The following EPB41L2 variants were observed in gnomAD, a reference collection of about 807,000 sequenced individuals.
EPB41L2 encodes the protein band 4.1-like protein 2.
EPB41L2 carries 43 observed loss-of-function variants against 113.0 expected under a neutral mutation model. The observed-to-expected ratio is 0.38, with a 90% CI of 0.30 to 0.49. The LOEUF is 0.49. EPB41L2 is among the 20% of genes least tolerant of loss of function. The pLI, the probability that EPB41L2 is intolerant of heterozygous loss-of-function variation, is 0.95. For missense variants in EPB41L2, 1,147 were observed against 1,223.4 expected (o/e 0.94, Z 0.93); for synonymous variants, 442 against 436.7 (o/e 1.01, Z -0.15).
At chr6:130,944,158 T>TACACACAC (rs1392716079) in intron 3 of EPB41L2, among the ~76,000 whole-genome samples, 7 of 146,390 alleles carry the variant, frequency 4.8e-5, no homozygotes, top group African/African-American at 1.3e-4. Flanking sequence ...TATATATACG[T>TACACACAC]ACATACACAC....
At chr6:130,944,710 G>A (rs1812205077) in intron 3 of EPB41L2, among the ~76,000 whole-genome samples, 1 of 152,168 alleles carries the variant, frequency 6.6e-6, no homozygotes, top group Non-Finnish European at 1.5e-5. Context: ...AGGCAACTCA[G>A]CATATGTCTG....
chr6:131,049,019 C>T lies in EPB41L2; in HGVS notation c.-15+14136G>A, dbSNP rs370366065. Among the ~76,000 whole-genome samples the T allele has an allele frequency of 6.6e-5, 10 of 152,284 alleles. No individual in the cohort carries two copies. The East Asian group carries it at 1.7e-3, about 26-fold the overall frequency. On this transcript the variant is annotated intron_variant, in intron 1 of 19. Coordinates refer to ENST00000337057, the MANE Select transcript of EPB41L2 (RefSeq NM_001431.4). ...GACTATTCTAGAATCTACCCTCTTT[C>T]GATTTAAGCTTGCAGCACTGAAGAT...
intron 19 of EPB41L2, among the ~76,000 whole-genome samples, chr6:130,856,136 G>C (rs1780145738): frequency 6.6e-6 from 1 of 152,068 alleles, no homozygotes; most frequent in Admixed American, 6.5e-5. Flanking sequence ...ATTTCAGATG[G>C]ATTAAGAATA....
chr6:130,953,372 T>C (rs1815935553), intron 3 of EPB41L2, among the ~76,000 whole-genome samples: 1 of 152,036 alleles, frequency 6.6e-6, no homozygotes, highest in African/African-American at 2.4e-5. Context: ...TCTCAATGCT[T>C]CCCTCCAAAA....
chr6:131,024,971 T>G (rs1245330871), intron 1 of EPB41L2, among the ~76,000 whole-genome samples: 1 of 152,182 alleles, frequency 6.6e-6, no homozygotes, highest in Non-Finnish European at 1.5e-5. Context: ...TATTCTTCAT[T>G]CTATGGGTAT....
intron 4 of EPB41L2, among the ~76,000 whole-genome samples, chr6:130,912,975 A>G (rs951455431): frequency 1.3e-5 from 2 of 152,166 alleles, no homozygotes; most frequent in African/African-American, 2.4e-5. Flanking sequence ...CAAATCCCCA[A>G]TTTCATTAAG....
intron 11 of EPB41L2, among the ~76,000 whole-genome samples, chr6:130,887,005 T>C (rs1449490608): frequency 6.6e-6 from 1 of 152,210 alleles, no homozygotes; most frequent in African/African-American, 2.4e-5. Flanking sequence ...TATATGGCTA[T>C]GATTAATTCT....
At chr6:131,033,035 C>A (rs1459883512) in intron 1 of EPB41L2, among the ~76,000 whole-genome samples, 1 of 152,088 alleles carries the variant, frequency 6.6e-6, no homozygotes, top group East Asian at 1.9e-4. Context: ...GCCACCACAC[C>A]TGGCTAATTT....
chr6:130,939,324 G>A (rs1010870165), intron 3 of EPB41L2, among the ~76,000 whole-genome samples: 15 of 150,992 alleles, frequency 9.9e-5, no homozygotes, highest in Admixed American at 8.6e-4. Flanking sequence ...TGTGATCACC[G>A]CTCACTACAA....
At position 130,955,273 on chromosome 6, in the gene EPB41L2, T is replaced by C. The variant is rs1163778447; in HGVS notation, c.537A>G (p.Glu179=). The part of the protein sequence containing the change: ...VSKEREEKVK[E]TQEDKLEGGA... ...CTCCTTCTAATTTGTCTTCCTGTGT[T>C]TCTTTTACCTTCTCTTCTCTCTCCT... The change falls in exon 3 of 20, where the codon GAA becomes GAG. Residue 179 remains glutamate, a synonymous_variant. Coordinates refer to ENST00000337057, the MANE Select transcript of EPB41L2 (RefSeq NM_001431.4). 1.2e-6 allele frequency: 2 copies of C among 1,614,174 alleles called. No homozygotes were observed. Among genetic ancestry groups the C allele is most frequent in the South Asian group, 2.2e-5 (2 of 91,090 alleles).
chr6:130,951,428 G>C (rs1348808049), intron 3 of EPB41L2, among the ~76,000 whole-genome samples: 2 of 143,426 alleles, frequency 1.4e-5, no homozygotes, highest in East Asian at 4.3e-4. Context: ...GGAGTCAAGT[G>C]ATTCTCCTGC....
chr6:131,040,594 A>G (rs907927339), intron 1 of EPB41L2, among the ~76,000 whole-genome samples: 4 of 152,206 alleles, frequency 2.6e-5, no homozygotes, highest in Non-Finnish European at 4.4e-5. Context: ...CAAAGACGTC[A>G]AGGAACTAAC....
chr6:131,017,726 A>G (rs1304660602), intron 1 of EPB41L2, among the ~76,000 whole-genome samples: 2 of 152,200 alleles, frequency 1.3e-5, no homozygotes, highest in Non-Finnish European at 2.9e-5. Flanking sequence ...CTAGTATGGT[A>G]TGGTCAGTTT....
At chr6:130,908,434 A>G (rs948829283) in intron 5 of EPB41L2, among the ~76,000 whole-genome samples, 6 of 152,236 alleles carry the variant, frequency 3.9e-5, no homozygotes, top group African/African-American at 1.2e-4. Context: ...TCTGTGGCCA[A>G]AGATGTGCAT....
At chr6:130,880,346 CA>C in intron 12 of EPB41L2, 140 bp from the exon 13 acceptor site, 1 of 630,768 alleles carries the variant, frequency 1.6e-6, no homozygotes, top group East Asian at 2.8e-5. Context: ...AACTTAAAGC[CA>C]CAACAAACAC....
chr6:130,958,134 A>T (rs1027573059), intron 1 of EPB41L2, among the ~76,000 whole-genome samples: 2 of 152,154 alleles, frequency 1.3e-5, no homozygotes, highest in African/African-American at 2.4e-5. Flanking sequence ...AGCATACATT[A>T]AGTCAATAGC....
intron 1 of EPB41L2, among the ~76,000 whole-genome samples, chr6:131,051,312 T>A (rs1796480120): frequency 6.6e-6 from 1 of 152,148 alleles, no homozygotes; most frequent in African/African-American, 2.4e-5. Context: ...CGTGGCAATC[T>A]TGTGGAATTT....
chr6:130,900,974 T>C lies in EPB41L2; in HGVS notation c.1136A>G (p.His379Arg), dbSNP rs1201735288. Reference sequence around the variant, plus strand: ...CAAGGCAACAGACCTGTGGGTTTTGTGCAGCTCTGCCACCTTCTCTTCCAG... The same window carrying C: ...CAAGGCAACAGACCTGTGGGTTTTGCGCAGCTCTGCCACCTTCTCTTCCAG... ...KELEEKVAEL[H>R]KTHRGLSPAQ... Residue 379 changes from histidine (H) to arginine (R), a missense_variant, in exon 7 of 20, where the codon CAC (histidine) becomes CGC (arginine). Coordinates refer to ENST00000337057, the MANE Select transcript of EPB41L2 (RefSeq NM_001431.4). 3.7e-6 allele frequency: 6 copies of C among 1,614,004 alleles called. No homozygotes were observed. Among genetic ancestry groups the C allele is most frequent in the African/African-American group, 1.3e-5 (1 of 74,932 alleles).
Position 130,859,127 on chromosome 6 carries a change from T to C in EPB41L2, c.2911-884A>G, listed in dbSNP as rs142301416. ...GTGTTGTGGCACAATGGAAAGATCC[T>C]ATTTTTCAGAGGAGGAAAATAGCTT... On this transcript the variant is annotated intron_variant, in intron 18 of 19. Coordinates refer to ENST00000337057, the MANE Select transcript of EPB41L2 (RefSeq NM_001431.4). Among the ~76,000 whole-genome samples, 887 of 152,356 alleles carry C rather than the reference T, an allele frequency of 5.8e-3. 9 individuals are homozygous for C. The highest frequency in any genetic ancestry group is 0.01 in the Non-Finnish European group (681 of 68,034).
Sources: allele counts gnomAD v4.1 joint callset (sites outside exome capture counted in the v4.1 genomes callset), GRCh38; gene constraint gnomAD v4.1.1; transcripts MANE v1.5; gene names NCBI Gene and HGNC (gene_info 2026-07-23, HGNC 2026-07-21).